Variants in RAPGEF2 observed in about 807,000 individuals in gnomAD.
RAPGEF2 encodes the protein Rap guanine nucleotide exchange factor 2, also known as PDZ domain containing guanine nucleotide exchange factor (GEF) 1.
RAPGEF2 carries 54 observed loss-of-function variants against 186.7 expected under a neutral mutation model. The ratio of observed to expected loss-of-function variants is 0.29; its 90% CI spans 0.23 to 0.36. RAPGEF2 has a LOEUF of 0.36. Among genes scored for constraint, RAPGEF2 ranks in the 10% least tolerant of loss-of-function variants. RAPGEF2 has a pLI of 1.00. For synonymous variants in RAPGEF2, 712 were observed against 705.9 expected (o/e 1.01, Z -0.14); for missense variants, 1,532 against 2,045.0 (o/e 0.75, Z 4.84).
chr4:159,275,794 C>T (rs1270924851), intron 7 of RAPGEF2, among the ~76,000 whole-genome samples: 1 of 151,326 alleles, frequency 6.6e-6, no homozygotes, highest in Non-Finnish European at 1.5e-5. Flanking sequence ...TAAAGGAAGA[C>T]AATAAAACAT....
chr4:159,163,334 G>A (rs1383213652), intron 1 of RAPGEF2, among the ~76,000 whole-genome samples: 2 of 152,162 alleles, frequency 1.3e-5, no homozygotes, highest in African/African-American at 4.8e-5. Context: ...AGATGATCAT[G>A]GAGACATTTT....
chr4:159,273,442 C>T (rs2110831127), intron 7 of RAPGEF2, among the ~76,000 whole-genome samples: 1 of 152,116 alleles, frequency 6.6e-6, no homozygotes, highest in Admixed American at 6.5e-5. Flanking sequence ...ATAAGTATAC[C>T]TCATATCTTT....
At chr4:159,300,110 A>AGG (rs1762472998) in intron 7 of RAPGEF2, among the ~76,000 whole-genome samples, 2 of 151,388 alleles carry the variant, frequency 1.3e-5, no homozygotes, top group Non-Finnish European at 2.9e-5. Flanking sequence ...TTAAAAGTGT[A>AGG]AAGTAATACT....
chr4:159,317,773 A>G (rs930748219), intron 9 of RAPGEF2, among the ~76,000 whole-genome samples: 8 of 152,088 alleles, frequency 5.3e-5, no homozygotes, highest in African/African-American at 1.7e-4. Context: ...TCAGTTTACC[A>G]TTTCAATTCA....
intron 7 of RAPGEF2, among the ~76,000 whole-genome samples, chr4:159,247,618 G>A (rs768860714): frequency 2.0e-5 from 3 of 152,130 alleles, no homozygotes; most frequent in Admixed American, 6.5e-5. Context: ...TGGGGATAGG[G>A]ATGGTAAAGT....
intron 7 of RAPGEF2, among the ~76,000 whole-genome samples, chr4:159,303,546 T>C (rs1762930209): frequency 6.6e-6 from 1 of 152,118 alleles, no homozygotes; most frequent in African/African-American, 2.4e-5. Context: ...GAGTCTAAGA[T>C]TCTTAAGAAC....
Position 159,345,396 on chromosome 4 carries a change from ATGGGC to A in RAPGEF2, c.3502+68_3502+72del, listed in dbSNP as rs1374607028. The A allele has an allele frequency of 4.7e-5, 68 of 1,447,332 alleles. No homozygotes were observed. In the African/African-American group the frequency reaches 8.3e-4, roughly 18 times the overall value. The allele number at this position is 1,447,332 out of a possible 1,614,324, so 89.7% of individuals were successfully genotyped here. A position where few individuals can be genotyped will look rare whatever the true frequency, so the allele number is the denominator to read the frequency against. On this transcript the variant is annotated intron_variant, in intron 24 of 29. Transcript: ENST00000691494. ...GCAGATTTGTTTCCTGTGCAGTGGT[ATGGGC>A]AGTGACAAAATAAGGCTTAGTGCAG...
chr4:159,210,450 G>T (rs770647007), intron 3 of RAPGEF2, 50 bp from the exon 4 acceptor site: 169 of 1,263,498 alleles, frequency 1.3e-4, no homozygotes, highest in East Asian at 2.3e-4. Context: ...TTAATTTTTT[G>T]TTGTTGTTGT....
In RAPGEF2 at chr4:159,187,407, G is replaced by A. The variant is rs190339637; in HGVS notation, c.140+695G>A. Among the ~76,000 whole-genome samples, 327 of 151,694 alleles carry A rather than the reference G, an allele frequency of 2.2e-3. 2 individuals are homozygous for A. The highest frequency in any genetic ancestry group is 7.4e-3 in the African/African-American group (304 of 41,316). On this transcript the variant is annotated intron_variant, in intron 2 of 29. Transcript: ENST00000691494. ...TGCCACTTGGTGAATATATCAATAG[G>A]GGCAATATTTGCCATCTTGGCAAAT...
intron 1 of RAPGEF2, 41 bp downstream of exon 1, chr4:159,104,272 C>G (rs1273295581): frequency 9.1e-7 from 1 of 1,096,178 alleles, no homozygotes; most frequent in Non-Finnish European, 1.2e-6. Flanking sequence ...CGGATTTCTG[C>G]CTCGCAGGCT....
intron 4 of RAPGEF2, among the ~76,000 whole-genome samples, chr4:159,222,087 A>G (rs570185212): frequency 2.6e-5 from 4 of 152,350 alleles, no homozygotes; most frequent in Admixed American, 2.6e-4. Context: ...TGGAACACTA[A>G]CATGATTTTT....
chr4:159,177,797 G>A (rs779557017), intron 1 of RAPGEF2, among the ~76,000 whole-genome samples: 21 of 152,242 alleles, frequency 1.4e-4, no homozygotes, highest in Middle Eastern at 3.4e-3. Context: ...TTTTAACCCC[G>A]TTATTAATAA....
chr4:159,159,738 C>T (rs962436166), intron 1 of RAPGEF2, among the ~76,000 whole-genome samples: 19 of 152,158 alleles, frequency 1.2e-4, no homozygotes, highest in Non-Finnish European at 2.2e-4. Context: ...ACAACTTGAC[C>T]TCTTCATTAG....
intron 1 of RAPGEF2, among the ~76,000 whole-genome samples, chr4:159,155,865 T>C (rs1266669904): frequency 6.6e-6 from 1 of 152,160 alleles, no homozygotes; most frequent in African/African-American, 2.4e-5. Flanking sequence ...AATTTTGATA[T>C]GTTTTAGTTA....
chr4:159,164,528 T>G (rs1745088346), intron 1 of RAPGEF2, among the ~76,000 whole-genome samples: 4 of 152,134 alleles, frequency 2.6e-5, no homozygotes, highest in South Asian at 4.1e-4. Flanking sequence ...TCTTTCCTTT[T>G]GGTGATTATT....
chr4:159,218,390 T>C (rs149409688), intron 4 of RAPGEF2, among the ~76,000 whole-genome samples: 1 of 152,352 alleles, frequency 6.6e-6, no homozygotes, highest in African/African-American at 2.4e-5. Context: ...TGGGAAAATA[T>C]CACTAACTTG....
chr4:159,211,511 A>G (rs1286462098), intron 4 of RAPGEF2, among the ~76,000 whole-genome samples: 2 of 152,222 alleles, frequency 1.3e-5, no homozygotes, highest in African/African-American at 2.4e-5. Context: ...AAATATTGTA[A>G]TGTCTTGTTG....
intron 4 of RAPGEF2, among the ~76,000 whole-genome samples, chr4:159,211,622 T>G (rs1750540744): frequency 6.6e-6 from 1 of 152,224 alleles, no homozygotes; most frequent in South Asian, 2.1e-4. Context: ...AGAGGTAATT[T>G]TGCACTGTAG....
intron 1 of RAPGEF2, among the ~76,000 whole-genome samples, chr4:159,109,068 G>A (rs1334335715): frequency 2.0e-5 from 3 of 152,072 alleles, no homozygotes; most frequent in Non-Finnish European, 2.9e-5. Context: ...AATGGGATGC[G>A]CCTCAGATAT....
Sources: allele counts gnomAD v4.1 joint callset (sites outside exome capture counted in the v4.1 genomes callset), GRCh38; gene constraint gnomAD v4.1.1; transcripts MANE v1.5; gene names NCBI Gene and HGNC (gene_info 2026-07-23, HGNC 2026-07-21).